The following HS3ST4 variants were observed in gnomAD, a reference collection of about 807,000 sequenced individuals.
HS3ST4 encodes heparan sulfate-glucosamine 3-sulfotransferase 4, also known as heparan sulfate glucosamine 3-O-sulfotransferase 4.
A neutral mutation model predicts 29.2 loss-of-function variants in HS3ST4; 17 were observed. The ratio of observed to expected loss-of-function variants is 0.58; its 90% CI spans 0.40 to 0.87. The LOEUF is 0.87. HS3ST4 is among the 40% of genes least tolerant of loss of function. The pLI, the probability that HS3ST4 is intolerant of heterozygous loss-of-function variation, is 0.00. For missense variants in HS3ST4, 627 were observed against 634.5 expected, an observed-to-expected ratio of 0.99 and a Z score of 0.13; for synonymous variants, 314 against 285.7, an observed-to-expected ratio of 1.10 and a Z score of -1.00.
chr16:25,970,124 C>T (rs4787792), intron 1 of HS3ST4, among the ~76,000 whole-genome samples: 49,901 of 152,140 alleles, frequency 0.33, 8,825 homozygotes, highest in East Asian at 0.47. Flanking sequence ...CTTCTCCAAT[C>T]ATTTATACAG....
intron 1 of HS3ST4, among the ~76,000 whole-genome samples, chr16:25,698,604 A>G (rs1473857368): frequency 6.6e-6 from 1 of 152,238 alleles, no homozygotes; most frequent in Non-Finnish European, 1.5e-5. Flanking sequence ...AAGTGAATGT[A>G]TTTTCTAAAC....
chr16:25,920,225 T>A (rs1175750287), intron 1 of HS3ST4, among the ~76,000 whole-genome samples: 1 of 152,182 alleles, frequency 6.6e-6, no homozygotes, highest in African/African-American at 2.4e-5. Context: ...AACCCTTGCC[T>A]AGATTTCAAT....
intron 1 of HS3ST4, among the ~76,000 whole-genome samples, chr16:26,097,339 AAG>A (rs1898937905): frequency 6.6e-6 from 1 of 152,230 alleles, no homozygotes; most frequent in African/African-American, 2.4e-5. Flanking sequence ...ACTATACTAC[AAG>A]GCTACAGTAA....
chr16:25,858,941 T>C (rs1596593397), intron 1 of HS3ST4, among the ~76,000 whole-genome samples: 1 of 152,234 alleles, frequency 6.6e-6, no homozygotes, highest in Middle Eastern at 3.4e-3. Flanking sequence ...CCTGCAACTT[T>C]TTGTCTTTCT....
chr16:25,712,097 A>C (rs887523029), intron 1 of HS3ST4, among the ~76,000 whole-genome samples: 1 of 152,196 alleles, frequency 6.6e-6, no homozygotes, highest in Non-Finnish European at 1.5e-5. Context: ...AAAATGATAG[A>C]TTTTTGTCAG....
intron 1 of HS3ST4, among the ~76,000 whole-genome samples, chr16:26,013,732 G>A (rs1017738027): frequency 3.3e-5 from 5 of 152,232 alleles, no homozygotes; most frequent in Middle Eastern, 3.4e-3. Context: ...CACTCTGGCC[G>A]GGAGCGGTGG....
intron 1 of HS3ST4, among the ~76,000 whole-genome samples, chr16:25,701,053 A>G (rs1328384188): frequency 6.6e-6 from 1 of 152,176 alleles, no homozygotes; most frequent in African/African-American, 2.4e-5. Flanking sequence ...GTTTCAGGAA[A>G]AACTGGATCC....
At chr16:25,928,673 G>A (rs777870715) in intron 1 of HS3ST4, among the ~76,000 whole-genome samples, 31 of 152,090 alleles carry the variant, frequency 2.0e-4, no homozygotes, top group Admixed American at 5.2e-4. Context: ...AATAATTGCC[G>A]TATGTTTTGA....
intron 1 of HS3ST4, among the ~76,000 whole-genome samples, chr16:25,863,932 G>A (rs1967663838): frequency 6.6e-6 from 1 of 152,240 alleles, no homozygotes; most frequent in Non-Finnish European, 1.5e-5. Context: ...GGAAGTCCAA[G>A]ATCAAGGTGT....
chr16:25,797,490 C>T lies in HS3ST4; in HGVS notation c.734+104339C>T, dbSNP rs182415224. 2.1e-4 allele frequency among the ~76,000 whole-genome samples: 32 copies of T among 152,228 alleles called. No homozygotes were observed. The East Asian group carries it at 5.0e-3, about 24-fold the overall frequency. On this transcript the variant is annotated intron_variant, in intron 1 of 1. Coordinates refer to ENST00000331351, the MANE Select transcript of HS3ST4 (RefSeq NM_006040.3). ...GGAATGGCAAATGAATTAATACATGCGAGGGGCTTAGGACACCAAAGACAG... is the reference window on the plus strand; with the variant it reads ...GGAATGGCAAATGAATTAATACATGTGAGGGGCTTAGGACACCAAAGACAG...
chr16:26,060,282 C>T (rs1446582505), intron 1 of HS3ST4, among the ~76,000 whole-genome samples: 4 of 152,260 alleles, frequency 2.6e-5, no homozygotes, highest in Admixed American at 2.6e-4. Flanking sequence ...CTATGTTGTC[C>T]TTTTATTGGA....
chr16:25,749,567 G>GGAAGAA (rs751259036), intron 1 of HS3ST4, among the ~76,000 whole-genome samples: 2,022 of 151,944 alleles, frequency 0.013, 42 homozygotes, highest in African/African-American at 0.045. Flanking sequence ...GAGAGGAAGA[G>GGAAGAA]GAAGAAGAAG....
At chr16:25,880,203 G>T (rs1209990431) in intron 1 of HS3ST4, among the ~76,000 whole-genome samples, 1 of 152,104 alleles carries the variant, frequency 6.6e-6, no homozygotes, top group African/African-American at 2.4e-5. Flanking sequence ...TAGTCAGTAG[G>T]TTGTTCGTGT....
At chr16:26,083,826 G>A (rs1254283425) in intron 1 of HS3ST4, among the ~76,000 whole-genome samples, 1 of 152,220 alleles carries the variant, frequency 6.6e-6, no homozygotes, top group East Asian at 1.9e-4. Flanking sequence ...GATTGGTAGA[G>A]GGAGATTATA....
intron 1 of HS3ST4, among the ~76,000 whole-genome samples, chr16:25,870,112 A>C (rs1967734352): frequency 6.6e-6 from 1 of 150,988 alleles, no homozygotes; most frequent in African/African-American, 2.4e-5. Flanking sequence ...CCATCTATCC[A>C]CCCTTCATTC....
intron 1 of HS3ST4, among the ~76,000 whole-genome samples, chr16:26,033,809 G>A (rs1969556512): frequency 6.6e-6 from 1 of 152,294 alleles, no homozygotes; most frequent in African/African-American, 2.4e-5. Flanking sequence ...ACTTCATGCT[G>A]CGTTGCTTGC....
chr16:25,843,220 G>A (rs542779111), intron 1 of HS3ST4, among the ~76,000 whole-genome samples: 1 of 152,236 alleles, frequency 6.6e-6, no homozygotes, highest in East Asian at 1.9e-4. Flanking sequence ...CTCATGTGTA[G>A]TCTCTGAAGC....
chr16:25,804,455 T>C (rs1315470155), intron 1 of HS3ST4, among the ~76,000 whole-genome samples: 1 of 152,192 alleles, frequency 6.6e-6, no homozygotes, highest in East Asian at 1.9e-4. Flanking sequence ...CCATCAGGTT[T>C]CCCTTTCCCC....
At chr16:26,052,413 C>T (rs2141766321) in intron 1 of HS3ST4, among the ~76,000 whole-genome samples, 1 of 152,288 alleles carries the variant, frequency 6.6e-6, no homozygotes, top group African/African-American at 2.4e-5. Context: ...TTCTGTCACC[C>T]AGGCTGGAGT....
Sources: gnomAD v4.1 joint callset for allele counts (sites outside exome capture counted in the v4.1 genomes callset) on GRCh38, gnomAD v4.1.1 for gene constraint, MANE v1.5 for transcripts, NCBI Gene and HGNC (gene_info 2026-07-23, HGNC 2026-07-21) for gene names.